Variants in OPCML observed in about 807,000 individuals in gnomAD.
The protein encoded by OPCML is opioid-binding protein/cell adhesion molecule.
Under a neutral mutation model 37.8 loss-of-function variants are expected in OPCML, and 13 were observed. The ratio of observed to expected loss-of-function variants is 0.34; its 90% CI spans 0.22 to 0.55. OPCML has a LOEUF of 0.55. Ranked by LOEUF, OPCML falls within the 20% of genes least tolerant of loss-of-function variation. The pLI, the probability that OPCML is intolerant of heterozygous loss-of-function variation, is 0.91. For synonymous variants in OPCML, 176 were observed against 168.8 expected, an observed-to-expected ratio of 1.04 and a Z score of -0.33; for missense variants, 341 against 435.6, an observed-to-expected ratio of 0.78 and a Z score of 1.93.
chr11:132,808,644 T>A (rs374928940), intron 2 of OPCML, among the ~76,000 whole-genome samples: 2 of 152,230 alleles, frequency 1.3e-5, no homozygotes, highest in Non-Finnish European at 2.9e-5. Context: ...GGTATGACTG[T>A]CGTCTTTCCT....
intron 1 of OPCML, among the ~76,000 whole-genome samples, chr11:133,496,005 G>A (rs1017680052): frequency 1.9e-4 from 29 of 152,180 alleles, no homozygotes; most frequent in African/African-American, 6.5e-4. Flanking sequence ...TTTTACCAAC[G>A]TTATCTTCTA....
chr11:132,528,280 T>C (rs1479427826), intron 4 of OPCML, among the ~76,000 whole-genome samples: 1 of 151,628 alleles, frequency 6.6e-6, no homozygotes, highest in East Asian at 1.9e-4. Context: ...ATTCCATACA[T>C]TTTTCCTGCT....
intron 1 of OPCML, among the ~76,000 whole-genome samples, chr11:133,349,302 C>T (rs1156687904): frequency 6.6e-6 from 1 of 152,196 alleles, no homozygotes; most frequent in East Asian, 1.9e-4. Flanking sequence ...CATTTATAGA[C>T]TTAGCAATGC....
intron 3 of OPCML, among the ~76,000 whole-genome samples, chr11:132,615,560 ACTAT>A (rs1386494132): frequency 1.3e-5 from 2 of 152,228 alleles, no homozygotes; most frequent in Non-Finnish European, 2.9e-5. Context: ...CAGCATAACA[ACTAT>A]CTATGTAGCA....
At position 132,657,240 on chromosome 11, in the gene OPCML, A is replaced by G; in HGVS notation, c.226T>C (p.Ser76Pro). 6.2e-7 allele frequency: 1 copy of G among 1,614,234 alleles called. No individual in the cohort carries two copies. The highest frequency in any genetic ancestry group is 8.5e-7 in the Non-Finnish European group (1 of 1,180,050). The part of the protein sequence containing the change: ...TILYAGNDKW[S>P]IDPRVIILVN... ...AGGATGATCACACGAGGGTCTATGG[A>G]CCACTTGTCATTCCCAGCGTAGAGG... Residue 76 changes from serine (S) to proline (P), a missense_variant, in exon 3 of 8, where the codon TCC (serine) becomes CCC (proline). Transcript: ENST00000524381.
intron 2 of OPCML, among the ~76,000 whole-genome samples, chr11:132,800,601 G>A (rs1027983472): frequency 6.6e-6 from 1 of 152,002 alleles, no homozygotes; most frequent in Non-Finnish European, 1.5e-5. Flanking sequence ...CTAATTTCTT[G>A]AGTGTTTTTA....
intron 4 of OPCML, among the ~76,000 whole-genome samples, chr11:132,508,754 G>A (rs1304742166): frequency 1.3e-5 from 2 of 152,158 alleles, no homozygotes; most frequent in East Asian, 3.9e-4. Context: ...CTCCCACCAT[G>A]ATTCTAAGGC....
At chr11:132,912,777 T>G (rs1944469163) in intron 2 of OPCML, among the ~76,000 whole-genome samples, 1 of 152,246 alleles carries the variant, frequency 6.6e-6, no homozygotes, top group African/African-American at 2.4e-5. Context: ...ATATTCCATG[T>G]GCTGCTGCTG....
intron 7 of OPCML, among the ~76,000 whole-genome samples, chr11:132,420,557 G>A (rs745929967): frequency 7.2e-5 from 11 of 152,308 alleles, no homozygotes; most frequent in African/African-American, 1.9e-4. Context: ...ATTGAGGCCC[G>A]TGGGCCCAAA....
At position 132,418,389 on chromosome 11, in the gene OPCML, G is replaced by T. The variant is rs1337769799; in HGVS notation, c.*1804C>A. On this transcript the variant is annotated 3_prime_UTR_variant, in exon 8 of 8. Coordinates refer to ENST00000524381, the MANE Select transcript of OPCML (RefSeq NM_001012393.5). ...CCTTCTCGTCCCAGGAGACAAGACA[G>T]CAAAGGTGGCTCAGCTCTTGTTTGT... 1 of 152,392 alleles carries T rather than the reference G, an allele frequency of 6.6e-6. No homozygotes were observed. The highest frequency in any genetic ancestry group is 6.5e-5 in the Admixed American group (1 of 15,274). 9.4% of individuals were successfully genotyped at this position (152,392 alleles called of 1,614,324 possible). A position where few individuals can be genotyped will look rare whatever the true frequency, so the allele number is the denominator to read the frequency against.
chr11:132,969,121 T>A (rs1186736112), intron 1 of OPCML, among the ~76,000 whole-genome samples: 1 of 95,100 alleles, frequency 1.1e-5, no homozygotes, highest in Non-Finnish European at 2.0e-5. Context: ...CCCTTCCCCC[T>A]GAGTCTCCAA....
chr11:133,026,987 A>C (rs11223332), intron 1 of OPCML, among the ~76,000 whole-genome samples: 97,327 of 152,008 alleles, frequency 0.64, 31,847 homozygotes, highest in East Asian at 0.81. Flanking sequence ...GAGTTGAGCC[A>C]GGCCACAGAG....
intron 2 of OPCML, among the ~76,000 whole-genome samples, chr11:132,843,260 A>C (rs1469035716): frequency 1.3e-5 from 2 of 151,568 alleles, no homozygotes; most frequent in African/African-American, 2.4e-5. Context: ...ATGCCCAGTT[A>C]ATTTTTTTGT....
chr11:133,299,310 T>C (rs927645767), intron 1 of OPCML: 1 of 152,248 alleles, frequency 6.6e-6, no homozygotes, highest in Admixed American at 6.5e-5. Context: ...AAAGAACTGT[T>C]CTTCTGGTTC....
At chr11:132,542,075 T>C (rs938302107) in intron 3 of OPCML, among the ~76,000 whole-genome samples, 1 of 152,188 alleles carries the variant, frequency 6.6e-6, no homozygotes, top group African/African-American at 2.4e-5. Flanking sequence ...TGGTTACAGA[T>C]GATCAGTGCG....
chr11:132,641,492 C>G (rs531525327), intron 3 of OPCML, among the ~76,000 whole-genome samples: 2 of 152,326 alleles, frequency 1.3e-5, no homozygotes, highest in African/African-American at 4.8e-5. Flanking sequence ...TGCCCCTGGT[C>G]TCTCTCAGAG....
intron 1 of OPCML, among the ~76,000 whole-genome samples, chr11:133,476,235 G>C (rs1255490519): frequency 6.6e-6 from 1 of 152,154 alleles, no homozygotes; most frequent in Non-Finnish European, 1.5e-5. Flanking sequence ...ACTATAAGTA[G>C]ACAAACAGTA....
intron 1 of OPCML, among the ~76,000 whole-genome samples, chr11:133,411,282 C>T (rs751541143): frequency 2.0e-5 from 3 of 152,126 alleles, no homozygotes; most frequent in Admixed American, 6.5e-5. Flanking sequence ...GGATTTAATA[C>T]GATTTAATTT....
chr11:132,551,182 A>G (rs1287938892), intron 3 of OPCML, among the ~76,000 whole-genome samples: 1 of 152,174 alleles, frequency 6.6e-6, no homozygotes, highest in Non-Finnish European at 1.5e-5. Context: ...AACACTAAGA[A>G]GCTGTCTGTG....
Sources: allele counts gnomAD v4.1 joint callset (sites outside exome capture counted in the v4.1 genomes callset), GRCh38; gene constraint gnomAD v4.1.1; transcripts MANE v1.5; gene names NCBI Gene and HGNC (gene_info 2026-07-23, HGNC 2026-07-21).